UNC5C: variants seen among roughly 807,000 people sequenced by gnomAD.
UNC5C encodes netrin receptor UNC5C.
In UNC5C, 47 loss-of-function variants were observed where a neutral mutation model predicts 99.8. The observed-to-expected ratio is 0.47, with a 90% CI of 0.37 to 0.60. The LOEUF (loss-of-function observed/expected upper bound fraction) is 0.60. UNC5C is among the 20% of genes least tolerant of loss of function. UNC5C has a pLI of 0.00. For synonymous variants in UNC5C, 487 were observed against 452.2 expected (o/e 1.08, Z -0.98); for missense variants, 1,062 against 1,165.9 (o/e 0.91, Z 1.30).
At position 95,367,883 on chromosome 4, in the gene UNC5C, T is replaced by A. The variant is rs1225010107; in HGVS notation, c.125-32252A>T. Among the ~76,000 whole-genome samples the A allele has an allele frequency of 2.0e-5, 3 of 152,184 alleles. No homozygotes were observed. The East Asian group carries it at 5.8e-4, about 29-fold the overall frequency. ...AGCTTCTATCTAAGAACATTATAGA[T>A]CATGTTAGCAATGAAATACAAATAA... On this transcript the variant is annotated intron_variant, in intron 1 of 15. Coordinates refer to ENST00000453304, the MANE Select transcript of UNC5C (RefSeq NM_003728.4).
chr4:95,296,330 G>A (rs1741670032), intron 3 of UNC5C, among the ~76,000 whole-genome samples: 2 of 152,112 alleles, frequency 1.3e-5, no homozygotes. Flanking sequence ...TATTACATGA[G>A]GGTGAAAAGG....
intron 4 of UNC5C, among the ~76,000 whole-genome samples, chr4:95,262,207 C>T (rs1740265001): frequency 6.6e-6 from 1 of 152,062 alleles, no homozygotes; most frequent in African/African-American, 2.4e-5. Context: ...ATCCTTTTTG[C>T]AAATCAGGTG....
chr4:95,201,747 A>G (rs370369366), intron 12 of UNC5C, among the ~76,000 whole-genome samples: 25 of 151,936 alleles, frequency 1.6e-4, no homozygotes, highest in South Asian at 1.0e-3. Context: ...GGGACTACAG[A>G]TGCCTGCCAT....
At chr4:95,267,760 C>T (rs180700034) in intron 4 of UNC5C, among the ~76,000 whole-genome samples, 1 of 151,826 alleles carries the variant, frequency 6.6e-6, no homozygotes, top group African/African-American at 2.4e-5. Context: ...TAAAGCCTTG[C>T]CAAGTATGGG....
chr4:95,258,826 A>G (rs1740109035), intron 4 of UNC5C, among the ~76,000 whole-genome samples: 1 of 139,344 alleles, frequency 7.2e-6, no homozygotes, highest in African/African-American at 2.6e-5. Flanking sequence ...CAGTGGCGCA[A>G]TCTCGGCTCA....
chr4:95,175,642 G>A (rs986113073), intron 14 of UNC5C, among the ~76,000 whole-genome samples: 6 of 152,044 alleles, frequency 3.9e-5, no homozygotes, highest in African/African-American at 9.7e-5. Context: ...TCCCTTTGTG[G>A]GTAACCCGAC....
In UNC5C at chr4:95,308,751, C is replaced by CAAAAAAAAAAAAAAAAAAAAAA. The variant is rs59626139; in HGVS notation, c.347-7024_347-7003dup. On this transcript the variant is annotated intron_variant, in intron 2 of 15. Transcript: ENST00000453304. ...TGGCTGACAGAGTGAGACTCTGTCT[C>CAAAAAAAAAAAAAAAAAAAAAA]AAAAAAAAAAAAAAAAAAAAAAAAA... is the stretch of plus-strand genomic sequence containing the variant. Among the ~76,000 whole-genome samples the CAAAAAAAAAAAAAAAAAAAAAA allele has an allele frequency of 8.7e-5, 3 of 34,396 alleles. 1 individual carries two copies. The highest frequency in any genetic ancestry group is 3.4e-4 in the African/African-American group (3 of 8,752). The allele number at this position is 34,396 out of a possible 152,430, so 22.6% of individuals were successfully genotyped here.
intron 1 of UNC5C, among the ~76,000 whole-genome samples, chr4:95,520,051 G>T (rs909316596): frequency 6.6e-6 from 1 of 152,018 alleles, no homozygotes; most frequent in African/African-American, 2.4e-5. Context: ...GGAATCTCTC[G>T]CAACACTCCA....
chr4:95,373,369 T>C (rs1744801514), intron 1 of UNC5C, among the ~76,000 whole-genome samples: 1 of 152,158 alleles, frequency 6.6e-6, no homozygotes. Context: ...TTTCTTGGTG[T>C]TCCTCTAATA....
intron 2 of UNC5C, among the ~76,000 whole-genome samples, chr4:95,315,882 C>A (rs571076709): frequency 1.3e-5 from 2 of 152,172 alleles, no homozygotes; most frequent in South Asian, 4.2e-4. Flanking sequence ...TATACATAGG[C>A]TCCTAATGTC....
chr4:95,215,386 A>G (rs140405707), intron 10 of UNC5C, among the ~76,000 whole-genome samples: 450 of 152,334 alleles, frequency 3.0e-3, no homozygotes, highest in Middle Eastern at 0.014. Flanking sequence ...CTTCTAAAGC[A>G]CTATTTAACA....
intron 7 of UNC5C, among the ~76,000 whole-genome samples, chr4:95,220,740 CAT>C (rs1171469215): frequency 6.6e-6 from 1 of 152,094 alleles, no homozygotes; most frequent in African/African-American, 2.4e-5. Context: ...TAGGAGCAAA[CAT>C]ATTAAATTTG....
intron 3 of UNC5C, among the ~76,000 whole-genome samples, chr4:95,295,923 T>G (rs991825418): frequency 6.6e-6 from 1 of 152,012 alleles, no homozygotes; most frequent in Non-Finnish European, 1.5e-5. Flanking sequence ...CTATTTCTAC[T>G]AAAAATACAA....
chr4:95,332,325 G>A (rs33916779), intron 2 of UNC5C, among the ~76,000 whole-genome samples: 53,381 of 142,706 alleles, frequency 0.37, 11,575 homozygotes, highest in East Asian at 0.82. Context: ...AAACTATACT[G>A]CAAGGCTACA....
At position 95,170,923 on chromosome 4, in the gene UNC5C, A is replaced by G. The variant is rs1451606736; in HGVS notation, c.2452-591T>C. ...AATTTCTTAAAAAAGAAAATGGTAA[A>G]CACAGTATATTATTGCCTTAGGGCA... is the stretch of plus-strand genomic sequence containing the variant. On this transcript the variant is annotated intron_variant, in intron 14 of 15. Coordinates refer to ENST00000453304, the MANE Select transcript of UNC5C (RefSeq NM_003728.4). Among the ~76,000 whole-genome samples, 4 of 152,368 alleles carry G rather than the reference A, an allele frequency of 2.6e-5. No homozygotes were observed. The East Asian group carries it at 7.7e-4, about 29-fold the overall frequency.
chr4:95,400,169 C>T (rs1050329556), intron 1 of UNC5C, among the ~76,000 whole-genome samples: 2 of 152,112 alleles, frequency 1.3e-5, no homozygotes, highest in Non-Finnish European at 2.9e-5. Context: ...CAGAAGGAGC[C>T]TGTGACTTGC....
intron 10 of UNC5C, among the ~76,000 whole-genome samples, chr4:95,208,846 T>C (rs904552148): frequency 1.3e-5 from 2 of 152,238 alleles, no homozygotes; most frequent in African/African-American, 4.8e-5. Context: ...CTAGTTTTTG[T>C]CTATGGTTTA....
At chr4:95,197,750 A>G (rs1048451132) in intron 12 of UNC5C, among the ~76,000 whole-genome samples, 1 of 152,214 alleles carries the variant, frequency 6.6e-6, no homozygotes, top group African/African-American at 2.4e-5. Flanking sequence ...TCTTGAGAGT[A>G]TAATAGACCC....
chr4:95,478,217 G>C (rs982302141), intron 1 of UNC5C, among the ~76,000 whole-genome samples: 1 of 151,886 alleles, frequency 6.6e-6, no homozygotes, highest in Non-Finnish European at 1.5e-5. Flanking sequence ...ATTATGGATA[G>C]CATCAGTTTT....
Sources: gnomAD v4.1 joint callset for allele counts (sites outside exome capture counted in the v4.1 genomes callset) on GRCh38, gnomAD v4.1.1 for gene constraint, MANE v1.5 for transcripts, NCBI Gene and HGNC (gene_info 2026-07-23, HGNC 2026-07-21) for gene names.